The following MACF1 variants were observed in gnomAD, a reference collection of about 807,000 sequenced individuals.
MACF1 encodes microtubule-actin cross-linking factor 1.
A neutral mutation model predicts 854.8 loss-of-function variants in MACF1; 193 were observed. The ratio of observed to expected loss-of-function variants is 0.23; its 90% CI spans 0.20 to 0.25. The LOEUF is 0.25. MACF1 is among the 10% of genes least tolerant of loss of function. The pLI, the probability that MACF1 is intolerant of heterozygous loss-of-function variation, is 1.00. For synonymous variants in MACF1, 3,185 were observed against 3,226.7 expected, an observed-to-expected ratio of 0.99 and a Z score of 0.44; for missense variants, 7,722 against 8,929.1, an observed-to-expected ratio of 0.86 and a Z score of 5.45.
chr1:39,148,996 A>T (rs1643520203), intron 2 of MACF1, among the ~76,000 whole-genome samples: 1 of 152,192 alleles, frequency 6.6e-6, no homozygotes, highest in African/African-American at 2.4e-5. Flanking sequence ...CTGTGTTTCT[A>T]GGAATATTAA....
chr1:39,447,391 G>A (rs537958576), intron 80 of MACF1, 41 bp from the exon 81 acceptor site: 21 of 1,597,804 alleles, frequency 1.3e-5, no homozygotes, highest in African/African-American at 1.2e-4. Context: ...TGAAATTGGC[G>A]CTTTTTCTTT....
chr1:39,186,441 C>T (rs1644175569), intron 2 of MACF1, among the ~76,000 whole-genome samples: 1 of 151,512 alleles, frequency 6.6e-6, no homozygotes, highest in African/African-American at 2.4e-5. Flanking sequence ...CTAGAAATGA[C>T]TTTTTTAGGG....
At position 39,410,348 on chromosome 1, in the gene MACF1, T is replaced by C. The variant is rs755632826; in HGVS notation, c.15817-12026T>C. The C allele has an allele frequency of 7.4e-6, 12 of 1,613,772 alleles. No individual in the cohort carries two copies. In the East Asian group the frequency reaches 1.3e-4, roughly 18 times the overall value. The stretch of plus-strand genomic sequence containing the variant: ...AAAGGAGAGGAGGAGGATGGCTACA[T>C]AGAGGACTGCTATGTTCCACAACGG... On this transcript the variant is annotated intron_variant, in intron 58 of 100. Transcript: ENST00000564288.
In MACF1 at chr1:39,190,422, T is replaced by TTTAC. The variant is rs1644240921; in HGVS notation, c.221-40760_221-40759insTTAC. On this transcript the variant is annotated intron_variant, in intron 2 of 93. Coordinates refer to the MACF1 transcript ENST00000361689. Reference sequence around the variant, plus strand: ...TTTTGTTTTTTTTTTTTTTTTTTGATGGAATCTTGCTTTGTCACCCAGGTT... The same window carrying TTTAC: ...TTTTGTTTTTTTTTTTTTTTTTTGATTTACGGAATCTTGCTTTGTCACCCAGGTT... Among the ~76,000 whole-genome samples the TTTAC allele has an allele frequency of 1.9e-4, 21 of 111,668 alleles. 1 individual carries two copies. The highest frequency in any genetic ancestry group is 5.4e-4 in the East Asian group (2 of 3,724). The allele number at this position is 111,668 out of a possible 152,430, so 73.3% of individuals were successfully genotyped here. A position where few individuals can be genotyped will look rare whatever the true frequency, so the allele number is the denominator to read the frequency against.
chr1:39,436,533 G>T (rs1247254057), intron 70 of MACF1: 9 of 1,591,978 alleles, frequency 5.7e-6, no homozygotes, highest in Non-Finnish European at 6.9e-6. Context: ...TTCTTATAAT[G>T]CTGAAAATTG....
At position 39,485,689 on chromosome 1, in the gene MACF1, G is replaced by A; in HGVS notation, c.22563G>A (p.Gly7521=). The A allele has an allele frequency of 6.2e-7, 1 of 1,613,992 alleles. No individual in the cohort carries two copies. Among genetic ancestry groups the A allele is most frequent in the Non-Finnish European group, 8.5e-7 (1 of 1,179,988 alleles). Residue 7521 remains glycine, a synonymous_variant, in exon 101 of 101, where the codon GGG becomes GGA. Coordinates refer to ENST00000564288, the MANE Select transcript of MACF1 (RefSeq NM_001394062.1). ...ACACTTCAGAAAGCAGCGCTGCAGG[G>A]GGCCAAGGCAACTCCAGGAGAGGGC... ...CSDTSESSAA[G]GQGNSRRGLN... is the part of the protein sequence containing the mutation.
chr1:39,100,193 C>T (rs983860526), intron 2 of MACF1, among the ~76,000 whole-genome samples: 6 of 152,020 alleles, frequency 3.9e-5, no homozygotes, highest in Admixed American at 1.3e-4. Context: ...ATTGTGCCAC[C>T]GCACTCCAGC....
chr1:39,393,196 A>AAAAAAAAAAAAATATATATATATATAT (rs57576149), intron 58 of MACF1, among the ~76,000 whole-genome samples: 8 of 66,556 alleles, frequency 1.2e-4, no homozygotes, highest in Non-Finnish European at 2.1e-4. Context: ...AAAAAAAAAA[A>AAAAAAAAAAAAATATATATATATATAT]ATATATATAT....
At chr1:39,323,701 A>G (rs17504950) in intron 33 of MACF1, among the ~76,000 whole-genome samples, 4,183 of 152,216 alleles carry the variant, frequency 0.027, 98 homozygotes, top group Middle Eastern at 0.082. Context: ...TCTTTGTAAA[A>G]TAAGTTTCTG....
chr1:39,217,006 C>T lies in MACF1; in HGVS notation c.109+11875C>T, dbSNP rs11803221. Among the ~76,000 whole-genome samples the T allele has an allele frequency of 6.4e-3, 970 of 152,254 alleles. 11 individuals carry two copies. The highest frequency in any genetic ancestry group is 0.022 in the African/African-American group (918 of 41,532). On this transcript the variant is annotated intron_variant, in intron 1 of 100. Coordinates refer to ENST00000564288, the MANE Select transcript of MACF1 (RefSeq NM_001394062.1). ...CAACTGGGGACATTGCTTAACCTTT[C>T]TCTAGCTCGGTTACCTCATTTTTTA...
chr1:39,103,147 A>C (rs1452178472), intron 2 of MACF1: 1 of 431,220 alleles, frequency 2.3e-6, no homozygotes, highest in Non-Finnish European at 4.3e-6. Context: ...TGTTTCTTAA[A>C]AGGAATCTCA....
Position 39,285,585 on chromosome 1 carries a change from T to G in MACF1, c.1354-19T>G, listed in dbSNP as rs767754408. 6.2e-7 allele frequency: 1 copy of G among 1,611,088 alleles called. No individual in the cohort carries two copies. The highest frequency in any genetic ancestry group is 8.5e-7 in the Non-Finnish European group (1 of 1,177,530). On this transcript the variant is annotated intron_variant, in intron 13 of 100. Coordinates refer to ENST00000564288, the MANE Select transcript of MACF1 (RefSeq NM_001394062.1). ...GGCAATGGAAGTTTTCCCACTGTTA[T>G]TCTCTCTTCCTGTCTCAGGATGCTG... is the stretch of plus-strand genomic sequence containing the variant.
chr1:39,294,942 C>A, intron 18 of MACF1, 104 bp from the exon 19 acceptor site: 1 of 781,558 alleles, frequency 1.3e-6, no homozygotes. Context: ...GCCACCAATT[C>A]TATATTGTAG....
intron 40 of MACF1, among the ~76,000 whole-genome samples, chr1:39,342,495 G>A (rs538267774): frequency 6.6e-6 from 1 of 152,006 alleles, no homozygotes; most frequent in African/African-American, 2.4e-5. Flanking sequence ...ACTGAACTCA[G>A]GAGAGTTTTT....
intron 57 of MACF1, among the ~76,000 whole-genome samples, 154 bp from the exon 58 acceptor site, chr1:39,387,033 T>C (rs1641832447): frequency 1.3e-5 from 2 of 152,260 alleles, no homozygotes; most frequent in Non-Finnish European, 2.9e-5. Flanking sequence ...AATAAGATAG[T>C]GTACATGAAG....
At chr1:39,242,906 A>G in intron 2 of MACF1, among the ~76,000 whole-genome samples, 1 of 152,150 alleles carries the variant, frequency 6.6e-6, no homozygotes, top group Non-Finnish European at 1.5e-5. Flanking sequence ...CTCTATGAAC[A>G]TTCATTTACA....
chr1:39,102,933 C>T (rs1642130779), intron 2 of MACF1: 1 of 701,818 alleles, frequency 1.4e-6, no homozygotes, highest in Admixed American at 2.0e-5. Flanking sequence ...CGCTTTGTTC[C>T]TCTAGCCTTG....
chr1:39,208,619 A>G (rs1004589749), intron 1 of MACF1, among the ~76,000 whole-genome samples: 1 of 151,820 alleles, frequency 6.6e-6, no homozygotes, highest in Admixed American at 6.6e-5. Flanking sequence ...ACGCCTGACT[A>G]ATTTTTTATT....
At chr1:39,478,769 A>T (rs927659979) in intron 97 of MACF1, among the ~76,000 whole-genome samples, 1 of 152,208 alleles carries the variant, frequency 6.6e-6, no homozygotes, top group African/African-American at 2.4e-5. Flanking sequence ...CTGACCAGTT[A>T]AACATCTGTT....
Sources: allele counts gnomAD v4.1 joint callset (sites outside exome capture counted in the v4.1 genomes callset), GRCh38; gene constraint gnomAD v4.1.1; transcripts MANE v1.5; gene names NCBI Gene and HGNC (gene_info 2026-07-23, HGNC 2026-07-21).